Variants in XRCC4 observed in about 807,000 individuals in gnomAD.
XRCC4 encodes the protein X-ray repair cross complementing 4.
A neutral mutation model predicts 39.1 loss-of-function variants in XRCC4; 28 were observed. That is an observed-to-expected ratio of 0.72 (90% CI 0.53 to 0.98). XRCC4 has a LOEUF of 0.98. XRCC4 is among the 50% of genes least tolerant of loss of function. The pLI is 0.00. For missense variants in XRCC4, 350 were observed against 376.4 expected (o/e 0.93, Z 0.58); for synonymous variants, 123 against 126.4 (o/e 0.97, Z 0.18).
intron 3 of XRCC4, among the ~76,000 whole-genome samples, chr5:83,140,615 G>A (rs1220297630): frequency 6.6e-6 from 1 of 152,116 alleles, no homozygotes; most frequent in Non-Finnish European, 1.5e-5. Context: ...ATCACAGCAT[G>A]TAAAACAGTT....
chr5:83,115,315 T>A (rs966011477), intron 3 of XRCC4, among the ~76,000 whole-genome samples: 5 of 152,150 alleles, frequency 3.3e-5, no homozygotes, highest in African/African-American at 1.2e-4. Flanking sequence ...TAATTCCAGC[T>A]ACTTGGGAGG....
At chr5:83,307,602 A>T (rs1755533570) in intron 7 of XRCC4, among the ~76,000 whole-genome samples, 1 of 152,244 alleles carries the variant, frequency 6.6e-6, no homozygotes, top group Non-Finnish European at 1.5e-5. Context: ...CTTTACATCC[A>T]AGTGGTAAGA....
intron 7 of XRCC4, among the ~76,000 whole-genome samples, chr5:83,349,660 T>C (rs1757021933): frequency 6.6e-6 from 1 of 152,234 alleles, no homozygotes; most frequent in South Asian, 2.1e-4. Context: ...GGTCATATGC[T>C]GATTTTTTTA....
chr5:83,188,262 G>A (rs530183605), intron 3 of XRCC4, among the ~76,000 whole-genome samples: 4 of 152,218 alleles, frequency 2.6e-5, no homozygotes, highest in African/African-American at 9.6e-5. Context: ...GCTCAGTGGG[G>A]TACTGGCACA....
intron 1 of XRCC4, among the ~76,000 whole-genome samples, chr5:83,099,920 C>T (rs10074618): frequency 0.41 from 63,004 of 151,982 alleles, 13,585 homozygotes; most frequent in African/African-American, 0.49. Flanking sequence ...TTCATTTGCT[C>T]TTACTGAATC....
At chr5:83,104,165 T>G (rs986720797) in intron 1 of XRCC4, among the ~76,000 whole-genome samples, 8 of 152,204 alleles carry the variant, frequency 5.3e-5, no homozygotes, top group African/African-American at 1.9e-4. Flanking sequence ...ATAGGGTGTT[T>G]CAGTCACTGA....
intron 1 of XRCC4, among the ~76,000 whole-genome samples, chr5:83,084,979 G>T (rs1044554015): frequency 2.6e-5 from 4 of 152,240 alleles, no homozygotes; most frequent in East Asian, 1.9e-4. Flanking sequence ...TGATAATTAG[G>T]CTTGAGATTA....
chr5:83,260,198 G>C lies in XRCC4; in HGVS notation c.893+1521G>C, dbSNP rs28360237. Among the ~76,000 whole-genome samples, 1,247 of 152,200 alleles carry C rather than the reference G, an allele frequency of 8.2e-3. 16 individuals carry two copies. Among genetic ancestry groups the C allele is most frequent in the East Asian group, 0.072 (374 of 5,180 alleles). Reference sequence around the variant, plus strand: ...TAGAGCTCATAGAGTTCAAGGCATAGTGTGATCTCTTTTATACGGTGAACC... The same window carrying C: ...TAGAGCTCATAGAGTTCAAGGCATACTGTGATCTCTTTTATACGGTGAACC... On this transcript the variant is annotated intron_variant, in intron 7 of 7. Transcript: ENST00000396027.
At chr5:83,372,497 G>A in the XRCC4 span, among the ~76,000 whole-genome samples, 1 of 152,158 alleles carries the variant, frequency 6.6e-6, no homozygotes, top group Admixed American at 6.6e-5. Flanking sequence ...CAAGCAGTAG[G>A]TCTTGGACCC....
chr5:83,328,426 T>A (rs534217218), intron 7 of XRCC4, among the ~76,000 whole-genome samples: 38 of 152,242 alleles, frequency 2.5e-4, no homozygotes, highest in Middle Eastern at 3.4e-3. Context: ...CAAAGTGGCT[T>A]GATACATGAC....
the XRCC4 span, among the ~76,000 whole-genome samples, chr5:83,373,987 C>A: frequency 6.6e-6 from 1 of 152,096 alleles, no homozygotes; most frequent in African/African-American, 2.4e-5. Flanking sequence ...GTAAGTTATT[C>A]AAAAACAAAG....
downstream of XRCC4, among the ~76,000 whole-genome samples, chr5:83,353,945 A>AC (rs1402167946): frequency 2.6e-5 from 4 of 152,180 alleles, no homozygotes; most frequent in Non-Finnish European, 4.4e-5. Context: ...GAAGACAAGG[A>AC]CCTTGTCATA....
chr5:83,183,379 C>T (rs1750287283), intron 3 of XRCC4, among the ~76,000 whole-genome samples: 1 of 149,900 alleles, frequency 6.7e-6, no homozygotes, highest in African/African-American at 2.5e-5. Context: ...GTAATGACCC[C>T]GTCTTACATT....
chr5:83,244,579 T>TC (rs869038631), intron 6 of XRCC4, among the ~76,000 whole-genome samples: 2 of 256 alleles, frequency 7.8e-3, no homozygotes, highest in African/African-American at 0.034. Flanking sequence ...TGATAACTCC[T>TC]TTGGGGCTCG....
At chr5:83,085,391 G>A (rs1745134202) in intron 1 of XRCC4, among the ~76,000 whole-genome samples, 1 of 152,146 alleles carries the variant, frequency 6.6e-6, no homozygotes, top group African/African-American at 2.4e-5. Flanking sequence ...TACGGAACAT[G>A]TCCAAATGAA....
chr5:83,091,024 G>A (rs1010694285), intron 1 of XRCC4, among the ~76,000 whole-genome samples: 1 of 151,986 alleles, frequency 6.6e-6, no homozygotes, highest in African/African-American at 2.4e-5. Flanking sequence ...TTTATTTGTG[G>A]CAATATTGAA....
At chr5:83,277,932 G>C (rs1033893738) in intron 7 of XRCC4, among the ~76,000 whole-genome samples, 3 of 152,056 alleles carry the variant, frequency 2.0e-5, no homozygotes, top group Non-Finnish European at 4.4e-5. Context: ...GTTTAATAAA[G>C]AAAACAATAT....
At chr5:83,177,499 A>G (rs1268033839) in intron 3 of XRCC4, among the ~76,000 whole-genome samples, 1 of 143,870 alleles carries the variant, frequency 7.0e-6, no homozygotes, top group Non-Finnish European at 1.5e-5. Context: ...GTCTTATTAT[A>G]TGAAGGGCAT....
intron 3 of XRCC4, among the ~76,000 whole-genome samples, chr5:83,132,448 TTTTCC>T (rs1747645364): frequency 6.6e-6 from 1 of 152,142 alleles, no homozygotes; most frequent in Admixed American, 6.6e-5. Flanking sequence ...GTTGGGGAAG[TTTTCC>T]TGGATAATAT....
Sources: gnomAD v4.1 joint callset for allele counts (sites outside exome capture counted in the v4.1 genomes callset) on GRCh38, gnomAD v4.1.1 for gene constraint, MANE v1.5 for transcripts, NCBI Gene and HGNC (gene_info 2026-07-23, HGNC 2026-07-21) for gene names.